PRKCA: variants seen among roughly 807,000 people sequenced by gnomAD.
PRKCA encodes protein kinase C alpha, also known as protein kinase C alpha type.
A neutral mutation model predicts 87.0 loss-of-function variants in PRKCA; 27 were observed. The observed-to-expected ratio is 0.31, with a 90% CI of 0.23 to 0.43. PRKCA has a LOEUF of 0.43. PRKCA is among the 20% of genes least tolerant of loss of function. The pLI is 1.00. For synonymous variants in PRKCA, 329 were observed against 311.1 expected (o/e 1.06, Z -0.61); for missense variants, 518 against 852.3 (o/e 0.61, Z 4.88).
At chr17:66,476,465 GC>G in intron 2 of PRKCA, among the ~76,000 whole-genome samples, 1 of 152,302 alleles carries the variant, frequency 6.6e-6, no homozygotes, top group African/African-American at 2.4e-5. Context: ...GAGAATGCCA[GC>G]CAAGGCCCTG....
intron 3 of PRKCA, among the ~76,000 whole-genome samples, chr17:66,508,126 C>A (rs1466366778): frequency 6.6e-6 from 1 of 152,128 alleles, no homozygotes; most frequent in Non-Finnish European, 1.5e-5. Context: ...GTGGGGAGCA[C>A]CCCCCCTCAC....
chr17:66,578,593 T>C (rs1418823894), intron 3 of PRKCA, among the ~76,000 whole-genome samples: 3 of 152,264 alleles, frequency 2.0e-5, no homozygotes, highest in Middle Eastern at 3.4e-3. Flanking sequence ...CACCCCCTCC[T>C]CTGAGTGATG....
chr17:66,771,284 C>T (rs189594271), intron 13 of PRKCA, among the ~76,000 whole-genome samples: 196 of 152,264 alleles, frequency 1.3e-3, no homozygotes, highest in African/African-American at 4.4e-3. Flanking sequence ...GAATTACAGG[C>T]GTGAGCCACT....
At chr17:66,307,182 C>T (rs889976003) in intron 2 of PRKCA, among the ~76,000 whole-genome samples, 1 of 152,124 alleles carries the variant, frequency 6.6e-6, no homozygotes, top group African/African-American at 2.4e-5. Context: ...ATTTAATATT[C>T]TACCTTCCTT....
intron 14 of PRKCA, among the ~76,000 whole-genome samples, chr17:66,783,006 T>TCCCCTC (rs1975278345): frequency 1.3e-5 from 2 of 152,172 alleles, no homozygotes; most frequent in Non-Finnish European, 2.9e-5. Context: ...TCGCTGCTCC[T>TCCCCTC]ACCCTCATGC....
intron 2 of PRKCA, among the ~76,000 whole-genome samples, chr17:66,362,184 C>T (rs926795978): frequency 2.0e-5 from 3 of 152,014 alleles, no homozygotes; most frequent in East Asian, 1.9e-4. Flanking sequence ...TACAGGCATG[C>T]GCCACCACAC....
intron 3 of PRKCA, among the ~76,000 whole-genome samples, chr17:66,613,744 A>G (rs1598814793): frequency 2.6e-5 from 3 of 116,004 alleles, no homozygotes; most frequent in African/African-American, 9.7e-5. Flanking sequence ...CAGTCATTGG[A>G]TTTAGGGCCC....
intron 2 of PRKCA, among the ~76,000 whole-genome samples, chr17:66,327,491 G>A (rs960508821): frequency 2.0e-5 from 3 of 151,772 alleles, no homozygotes; most frequent in African/African-American, 7.3e-5. Context: ...AGCCGAGATC[G>A]CGCCCCTGTA....
intron 2 of PRKCA, among the ~76,000 whole-genome samples, chr17:66,460,290 T>C (rs990437285): frequency 2.6e-5 from 4 of 151,592 alleles, no homozygotes; most frequent in Non-Finnish European, 5.9e-5. Context: ...TCGTGGTTCT[T>C]ACTATTACTA....
chr17:66,499,383 C>T (rs553288663), intron 3 of PRKCA, among the ~76,000 whole-genome samples: 1 of 152,210 alleles, frequency 6.6e-6, no homozygotes, highest in East Asian at 1.9e-4. Context: ...ATACTGTGAT[C>T]GTATCTCTGT....
chr17:66,759,368 A>C (rs1009981860), intron 13 of PRKCA, among the ~76,000 whole-genome samples: 1 of 152,016 alleles, frequency 6.6e-6, no homozygotes, highest in Admixed American at 6.6e-5. Flanking sequence ...AAAAAAAAAA[A>C]GAAAGTAGAC....
In PRKCA at chr17:66,649,003, A is replaced by G. The variant is rs577591972; in HGVS notation, c.529+3492A>G. Among the ~76,000 whole-genome samples, 228 of 152,004 alleles carry G rather than the reference A, an allele frequency of 1.5e-3. 1 individual carries two copies. The highest frequency in any genetic ancestry group is 5.4e-3 in the African/African-American group (223 of 41,474). On this transcript the variant is annotated intron_variant, in intron 5 of 16. Coordinates refer to ENST00000413366, the MANE Select transcript of PRKCA (RefSeq NM_002737.3). ...CAGGTACTCAGGAGGAGGCTGAGGC[A>G]GGATAATCGGTTGAACCCAGGAGGT...
Position 66,731,876 on chromosome 17 carries a change from C to G in PRKCA, c.919-812C>G, listed in dbSNP as rs937568939. ...TCAGCTCACTGCAACCTCCGCCCCC[C>G]GCCCCCCGGTTCAAGCGATTCTCCT... On this transcript the variant is annotated intron_variant, in intron 8 of 16. Coordinates refer to ENST00000413366, the MANE Select transcript of PRKCA (RefSeq NM_002737.3). Among the ~76,000 whole-genome samples, 3 of 149,706 alleles carry G rather than the reference C, an allele frequency of 2.0e-5. No individual in the cohort carries two copies. In the East Asian group the frequency reaches 5.9e-4, roughly 29 times the overall value.
chr17:66,495,055 T>G (rs1916408838), intron 2 of PRKCA, among the ~76,000 whole-genome samples: 1 of 143,862 alleles, frequency 7.0e-6, no homozygotes, highest in African/African-American at 2.6e-5. Flanking sequence ...TGAGCCAAGA[T>G]CACCCCACTG....
chr17:66,669,978 C>T (rs903005037), intron 5 of PRKCA, among the ~76,000 whole-genome samples: 6 of 152,174 alleles, frequency 3.9e-5, no homozygotes, highest in African/African-American at 1.4e-4. Context: ...ATATAGGTGA[C>T]CTACAGGAGA....
intron 3 of PRKCA, among the ~76,000 whole-genome samples, chr17:66,635,841 G>A (rs1260378553): frequency 1.3e-5 from 2 of 152,180 alleles, no homozygotes; most frequent in Non-Finnish European, 2.9e-5. Context: ...GTCTGCAAAT[G>A]TGCCGTGGTT....
rs79151612 is a variant in PRKCA, at chr17:66,603,272, C to T, written c.289-38083C>T. Among the ~76,000 whole-genome samples the T allele has an allele frequency of 4.3e-3, 661 of 152,220 alleles. 3 individuals carry two copies. Among genetic ancestry groups the T allele is most frequent in the African/African-American group, 0.014 (592 of 41,528 alleles). On this transcript the variant is annotated intron_variant, in intron 3 of 16. Transcript: ENST00000413366. ...TTCTGGCCCCCAGCCCTTTCCTGAA[C>T]GCGTCATCTCCTTGAGGGTAAAAGG...
intron 3 of PRKCA, among the ~76,000 whole-genome samples, chr17:66,517,742 A>G (rs9896922): frequency 0.65 from 98,780 of 152,098 alleles, 33,073 homozygotes; most frequent in African/African-American, 0.82. Flanking sequence ...AATTAACACC[A>G]AGTTCTTGGC....
Position 66,306,292 on chromosome 17 carries a change from A to G in PRKCA, c.205+165A>G, listed in dbSNP as rs529742136. The G allele has an allele frequency of 2.0e-4, 122 of 614,924 alleles. No homozygotes were observed. The South Asian group carries it at 2.6e-3, about 13-fold the overall frequency. The allele number at this position is 614,924 out of a possible 1,614,324, so 38.1% of individuals were successfully genotyped here. Reference sequence around the variant, plus strand: ...GGGCCTTAAAAAATAATTGGGGCCTACTAATCTGCATATAGAGCTGCCTTT... The same window carrying G: ...GGGCCTTAAAAAATAATTGGGGCCTGCTAATCTGCATATAGAGCTGCCTTT... On this transcript the variant is annotated intron_variant, in intron 2 of 16. Coordinates refer to ENST00000413366, the MANE Select transcript of PRKCA (RefSeq NM_002737.3).
Sources: allele counts gnomAD v4.1 joint callset (sites outside exome capture counted in the v4.1 genomes callset), GRCh38; gene constraint gnomAD v4.1.1; transcripts MANE v1.5; gene names NCBI Gene and HGNC (gene_info 2026-07-23, HGNC 2026-07-21).